Variants in EIF2AK2 observed in about 807,000 individuals in gnomAD.
EIF2AK2 encodes interferon-induced, double-stranded RNA-activated protein kinase.
EIF2AK2 carries 40 observed loss-of-function variants against 70.5 expected under a neutral mutation model. The observed-to-expected ratio is 0.57, with a 90% CI of 0.44 to 0.74. The LOEUF (loss-of-function observed/expected upper bound fraction) is 0.74. Among genes scored for constraint, EIF2AK2 ranks in the 30% least tolerant of loss-of-function variants. The probability of loss-of-function intolerance (pLI) is 0.00; values close to 1 mark genes in which losing one functional copy is unlikely to be tolerated. For synonymous variants in EIF2AK2, 198 were observed against 220.9 expected, an observed-to-expected ratio of 0.90 and a Z score of 0.92; for missense variants, 555 against 644.3, an observed-to-expected ratio of 0.86 and a Z score of 1.50.
intron 5 of EIF2AK2, among the ~76,000 whole-genome samples, chr2:37,141,262 G>A (rs973379073): frequency 1.3e-4 from 20 of 152,088 alleles, no homozygotes; most frequent in Non-Finnish European, 5.9e-5. Flanking sequence ...TGTATTCTTC[G>A]AGCAGTGGCA....
intron 14 of EIF2AK2, 43 bp downstream of exon 14, chr2:37,114,688 A>G (rs751967918): frequency 6.8e-7 from 1 of 1,465,722 alleles, no homozygotes; most frequent in South Asian, 1.6e-5. Flanking sequence ...TAATTTTCAA[A>G]ATAAAAGAAG....
At chr2:37,144,733 A>C (rs1282506467) in intron 4 of EIF2AK2, among the ~76,000 whole-genome samples, 1 of 152,022 alleles carries the variant, frequency 6.6e-6, no homozygotes, top group Non-Finnish European at 1.5e-5. Flanking sequence ...GGCACATGCC[A>C]CCAAGCCCGG....
At chr2:37,111,336 G>A (rs1305074538) in intron 14 of EIF2AK2, among the ~76,000 whole-genome samples, 1 of 151,544 alleles carries the variant, frequency 6.6e-6, no homozygotes, top group Non-Finnish European at 1.5e-5. Context: ...TAAAAATAAA[G>A]AGATATATTT....
intron 4 of EIF2AK2, among the ~76,000 whole-genome samples, chr2:37,145,542 A>T (rs1277317027): frequency 6.6e-6 from 1 of 152,116 alleles, no homozygotes; most frequent in Non-Finnish European, 1.5e-5. Flanking sequence ...AGGTTAATTT[A>T]TTATTGAAGA....
chr2:37,156,855 G>C (rs1025394492), intron 1 of EIF2AK2, 53 bp downstream of exon 1: 1 of 156,656 alleles, frequency 6.4e-6, no homozygotes, highest in African/African-American at 2.4e-5. Context: ...CTCGTACGTG[G>C]CCCCCCGGCC....
Position 37,119,289 on chromosome 2 carries a change from G to A in EIF2AK2, c.1248+670C>T, listed in dbSNP as rs149634059. ...AATTTTCCAATCATGGGGTTGAAAT[G>A]CTTAACCAAGACAGTATTAGACTCT... On this transcript the variant is annotated intron_variant, in intron 13 of 16. Transcript: ENST00000233057. Among the ~76,000 whole-genome samples the A allele has an allele frequency of 3.6e-3, 544 of 152,308 alleles. 1 individual carries two copies. The highest frequency in any genetic ancestry group is 6.3e-3 in the Admixed American group (96 of 15,302).
rs966671086 is a variant in EIF2AK2, at chr2:37,102,149, A to C, written c.*5124T>G. On this transcript the variant is annotated 3_prime_UTR_variant, in exon 17 of 17. Coordinates refer to ENST00000233057, the MANE Select transcript of EIF2AK2 (RefSeq NM_001135651.3). Reference sequence around the variant, plus strand: ...CAGCTATTCAAGCGGCTGAGGCAGGAGGATCACTTGAGCCTAGGAGTTCGA... The same window carrying C: ...CAGCTATTCAAGCGGCTGAGGCAGGCGGATCACTTGAGCCTAGGAGTTCGA... 6.6e-6 allele frequency: 1 copy of C among 152,138 alleles called. No homozygotes were observed. Among genetic ancestry groups the C allele is most frequent in the African/African-American group, 2.4e-5 (1 of 41,404 alleles). 9.4% of individuals were successfully genotyped at this position (152,138 alleles called of 1,614,324 possible).
At chr2:37,122,070 A>T (rs1194422241) in intron 12 of EIF2AK2, among the ~76,000 whole-genome samples, 1 of 152,064 alleles carries the variant, frequency 6.6e-6, no homozygotes, top group Non-Finnish European at 1.5e-5. Flanking sequence ...TTCCAAAGAG[A>T]CCCTCTGACG....
chr2:37,149,914 A>G (rs927963181), intron 1 of EIF2AK2, among the ~76,000 whole-genome samples: 3 of 152,220 alleles, frequency 2.0e-5, no homozygotes, highest in Admixed American at 2.0e-4. Context: ...GAAGTGAACA[A>G]TCGAAAGAAC....
At position 37,132,736 on chromosome 2, in the gene EIF2AK2, G is replaced by A. The variant is rs183374929; in HGVS notation, c.785+2748C>T. Among the ~76,000 whole-genome samples the A allele has an allele frequency of 6.6e-5, 10 of 152,228 alleles. No individual in the cohort carries two copies. In the East Asian group the frequency reaches 1.4e-3, roughly 21 times the overall value. On this transcript the variant is annotated intron_variant, in intron 10 of 16. Coordinates refer to ENST00000233057, the MANE Select transcript of EIF2AK2 (RefSeq NM_001135651.3). Reference sequence around the variant, plus strand: ...CAGTTGAAAGCCATTTTCCATCAATGCTCTATTTGCCAGAAAGCTTCACCC... The same window carrying A: ...CAGTTGAAAGCCATTTTCCATCAATACTCTATTTGCCAGAAAGCTTCACCC...
intron 11 of EIF2AK2, 51 bp downstream of exon 11, chr2:37,126,238 C>A: frequency 6.6e-7 from 1 of 1,521,360 alleles, no homozygotes; most frequent in South Asian, 1.3e-5. Flanking sequence ...AAGAATAGTG[C>A]AGATTCAGCG....
chr2:37,111,483 T>C (rs1172766074), intron 14 of EIF2AK2, among the ~76,000 whole-genome samples: 1 of 149,540 alleles, frequency 6.7e-6, no homozygotes, highest in East Asian at 2.0e-4. Flanking sequence ...CACTGCAACC[T>C]CCACCTCCCG....
At chr2:37,135,246 A>T (rs904210585) in intron 10 of EIF2AK2, among the ~76,000 whole-genome samples, 1 of 152,214 alleles carries the variant, frequency 6.6e-6, no homozygotes, top group African/African-American at 2.4e-5. Context: ...CTAAAAAGCT[A>T]AGGGAGTATC....
At position 37,103,914 on chromosome 2, in the gene EIF2AK2, GAAT is replaced by G. The variant is rs1458028844; in HGVS notation, c.*3356_*3358del. 2 of 152,220 alleles carry G rather than the reference GAAT, an allele frequency of 1.3e-5. No individual in the cohort carries two copies. Among genetic ancestry groups the G allele is most frequent in the African/African-American group, 4.8e-5 (2 of 41,450 alleles). The allele number at this position is 152,220 out of a possible 1,614,324, so 9.4% of individuals were successfully genotyped here. ...AACACTTTGGGAGGCCAAGGCAAGTGAATCACCTGAGGTCAGGAGTTCAAAACC... is the reference window on the plus strand; with the variant it reads ...AACACTTTGGGAGGCCAAGGCAAGTGCACCTGAGGTCAGGAGTTCAAAACC... On this transcript the variant is annotated 3_prime_UTR_variant, in exon 17 of 17. Coordinates refer to ENST00000233057, the MANE Select transcript of EIF2AK2 (RefSeq NM_001135651.3).
At chr2:37,111,463 G>A (rs1470221324) in intron 14 of EIF2AK2, among the ~76,000 whole-genome samples, 31 of 148,772 alleles carry the variant, frequency 2.1e-4, no homozygotes, top group Admixed American at 2.0e-3. Flanking sequence ...GCAATGGCGC[G>A]ATCTCAGCTC....
At chr2:37,140,541 T>C (rs1392948720) in intron 5 of EIF2AK2, among the ~76,000 whole-genome samples, 1 of 152,120 alleles carries the variant, frequency 6.6e-6, no homozygotes, top group Non-Finnish European at 1.5e-5. Context: ...AGACCCTGAA[T>C]TAAATAGCTG....
chr2:37,134,464 G>C (rs1191935831), intron 10 of EIF2AK2, among the ~76,000 whole-genome samples: 3 of 152,208 alleles, frequency 2.0e-5, no homozygotes, highest in Non-Finnish European at 4.4e-5. Flanking sequence ...AACGAATGGA[G>C]CATTTCTGCA....
rs972591935 is a variant in EIF2AK2, at chr2:37,103,038, C to T, written c.*4235G>A. 1.3e-5 allele frequency: 2 copies of T among 150,520 alleles called. No homozygotes were observed. The highest frequency in any genetic ancestry group is 6.6e-5 in the Admixed American group (1 of 15,062). The allele number at this position is 150,520 out of a possible 1,614,324, so 9.3% of individuals were successfully genotyped here. A position where few individuals can be genotyped will look rare whatever the true frequency, so the allele number is the denominator to read the frequency against. On this transcript the variant is annotated 3_prime_UTR_variant, in exon 17 of 17. Transcript: ENST00000233057. ...GTGTGTGTGTGTGCATTTTAATTAGCAAATAAGGTCCCAGGCTCTTGCCCC... is the reference window on the plus strand; with the variant it reads ...GTGTGTGTGTGTGCATTTTAATTAGTAAATAAGGTCCCAGGCTCTTGCCCC...
chr2:37,123,596 A>G (rs1349019598), intron 11 of EIF2AK2, among the ~76,000 whole-genome samples: 1 of 152,152 alleles, frequency 6.6e-6, no homozygotes, highest in Non-Finnish European at 1.5e-5. Context: ...TAAATCATAC[A>G]TTATGTTTTG....
Sources: allele counts gnomAD v4.1 joint callset (sites outside exome capture counted in the v4.1 genomes callset), GRCh38; gene constraint gnomAD v4.1.1; transcripts MANE v1.5; gene names NCBI Gene and HGNC (gene_info 2026-07-23, HGNC 2026-07-21).